XIRP2: variants seen among roughly 807,000 people sequenced by gnomAD.
XIRP2 encodes xin actin binding repeat containing 2, also known as xin actin-binding repeat-containing protein 2.
A neutral mutation model predicts 277.0 loss-of-function variants in XIRP2; 236 were observed. That is an observed-to-expected ratio of 0.85 (90% CI 0.77 to 0.95). XIRP2 has a LOEUF of 0.95. XIRP2 is among the 40% of genes least tolerant of loss of function. XIRP2 has a pLI of 0.00. For synonymous variants in XIRP2, 1,490 were observed against 1,416.5 expected, an observed-to-expected ratio of 1.05 and a Z score of -1.17; for missense variants, 4,640 against 4,157.5, an observed-to-expected ratio of 1.12 and a Z score of -3.19.
At chr2:166,946,617 A>C in intron 2 of XIRP2, among the ~76,000 whole-genome samples, 1 of 152,160 alleles carries the variant, frequency 6.6e-6, no homozygotes, top group East Asian at 1.9e-4. Flanking sequence ...TTTAATAAAT[A>C]TAGACACTCA....
At chr2:167,031,894 A>G (rs1317322936) in intron 2 of XIRP2, among the ~76,000 whole-genome samples, 1 of 152,110 alleles carries the variant, frequency 6.6e-6, no homozygotes, top group East Asian at 1.9e-4. Flanking sequence ...TAATTTATAG[A>G]TTCAGTGCTA....
intron 2 of XIRP2, among the ~76,000 whole-genome samples, chr2:166,910,762 T>G (rs1375116316): frequency 6.6e-6 from 1 of 152,206 alleles, no homozygotes; most frequent in African/African-American, 2.4e-5. Context: ...TGCTGTAAAT[T>G]TCCCTCTACA....
intron 2 of XIRP2, among the ~76,000 whole-genome samples, chr2:166,945,499 T>G (rs1200190828): frequency 6.6e-6 from 1 of 151,990 alleles, no homozygotes; most frequent in Non-Finnish European, 1.5e-5. Flanking sequence ...AATATCTAAT[T>G]AAATTTTTAT....
At chr2:167,206,901 G>A (rs879757276) in intron 3 of XIRP2, among the ~76,000 whole-genome samples, 2 of 152,154 alleles carry the variant, frequency 1.3e-5, no homozygotes, top group Admixed American at 6.5e-5. Flanking sequence ...TTAGAAATAA[G>A]ATTGTGACAA....
chr2:167,011,940 G>C (rs1207937600), intron 2 of XIRP2, among the ~76,000 whole-genome samples: 1 of 151,976 alleles, frequency 6.6e-6, no homozygotes, highest in Non-Finnish European at 1.5e-5. Flanking sequence ...ATTTTTTATT[G>C]TGTCTATTTG....
intron 2 of XIRP2, among the ~76,000 whole-genome samples, chr2:167,098,901 G>C (rs182049736): frequency 6.6e-6 from 1 of 152,284 alleles, no homozygotes; most frequent in African/African-American, 2.4e-5. Flanking sequence ...AATGCTGCCT[G>C]TTCCTTCCTC....
intron 2 of XIRP2, among the ~76,000 whole-genome samples, chr2:167,050,019 G>A (rs538692453): frequency 6.6e-6 from 1 of 152,148 alleles, no homozygotes; most frequent in African/African-American, 2.4e-5. Flanking sequence ...TCACTGAGTT[G>A]CCATACATTA....
rs759056647 is a variant in XIRP2 at position 166,903,617 on chromosome 2, G to T, written c.135G>T (p.Ala45=). 8 of 1,613,466 alleles carry T rather than the reference G, an allele frequency of 5.0e-6. No individual in the cohort carries two copies. Among genetic ancestry groups the T allele is most frequent in the South Asian group, 3.3e-5 (3 of 91,080 alleles). The change falls in exon 2 of 11, where the codon GCG becomes GCT. Residue 45 remains alanine (A), a synonymous_variant. Transcript: ENST00000409195. ...AGCCTCAGGAAAGCAAATTGCTTGCGCCTGAAGGAGAGGTAGTATCAGCAC... is the reference window on the plus strand; with the variant it reads ...AGCCTCAGGAAAGCAAATTGCTTGCTCCTGAAGGAGAGGTAGTATCAGCAC... ...IFQPQESKLL[A]PEGEVVSAPQ...
intron 2 of XIRP2, among the ~76,000 whole-genome samples, chr2:167,072,037 A>T (rs1315752045): frequency 6.6e-6 from 1 of 152,198 alleles, no homozygotes; most frequent in Non-Finnish European, 1.5e-5. Flanking sequence ...AACATAAAGC[A>T]CAGTGTTAAA....
At chr2:167,169,752 A>G (rs150466427) in intron 3 of XIRP2, among the ~76,000 whole-genome samples, 1 of 152,234 alleles carries the variant, frequency 6.6e-6, no homozygotes, top group East Asian at 1.9e-4. Flanking sequence ...ATTTGGGTAT[A>G]TTGTATACCT....
At chr2:167,156,647 A>G (rs1453942699) in intron 3 of XIRP2, among the ~76,000 whole-genome samples, 1 of 152,236 alleles carries the variant, frequency 6.6e-6, no homozygotes, top group African/African-American at 2.4e-5. Flanking sequence ...ATTTTGACAA[A>G]AAGTGATTGG....
chr2:167,160,201 T>A (rs1328381434), intron 3 of XIRP2, among the ~76,000 whole-genome samples: 2 of 152,232 alleles, frequency 1.3e-5, no homozygotes, highest in East Asian at 3.8e-4. Context: ...TTTGTTGTTC[T>A]CATTATAAAT....
At chr2:167,033,607 A>T (rs1393396004) in intron 2 of XIRP2, among the ~76,000 whole-genome samples, 2 of 152,102 alleles carry the variant, frequency 1.3e-5, no homozygotes, top group Non-Finnish European at 2.9e-5. Flanking sequence ...TGACAACAGG[A>T]TCTTAAGTAC....
chr2:167,034,505 AG>A, intron 2 of XIRP2, among the ~76,000 whole-genome samples: 1 of 150,374 alleles, frequency 6.7e-6, no homozygotes, highest in Non-Finnish European at 1.5e-5. Flanking sequence ...ACAGAAAAAA[AG>A]AAAAAAAAAA....
intron 5 of XIRP2, among the ~76,000 whole-genome samples, chr2:167,224,747 G>C (rs1389653659): frequency 1.3e-5 from 2 of 152,078 alleles, no homozygotes; most frequent in African/African-American, 4.8e-5. Context: ...GCCAAGAGGG[G>C]ACATAATCAA....
chr2:167,085,952 A>G (rs1381149224), intron 2 of XIRP2, among the ~76,000 whole-genome samples: 2 of 151,758 alleles, frequency 1.3e-5, no homozygotes, highest in Non-Finnish European at 2.9e-5. Flanking sequence ...ATTTAAAGTT[A>G]ATATTGTTAT....
At chr2:167,049,197 T>A (rs115260683) in intron 2 of XIRP2, among the ~76,000 whole-genome samples, 2,429 of 151,820 alleles carry the variant, frequency 0.016, 30 homozygotes, top group African/African-American at 0.024. Flanking sequence ...TTTTTTTTTT[T>A]AATCAGGGTT....
chr2:166,967,725 T>C (rs1164483434), intron 2 of XIRP2, among the ~76,000 whole-genome samples: 1 of 151,974 alleles, frequency 6.6e-6, no homozygotes, highest in Non-Finnish European at 1.5e-5. Context: ...TGAATGTCAG[T>C]AGTTTTACTA....
intron 2 of XIRP2, among the ~76,000 whole-genome samples, chr2:167,078,975 G>A (rs901758954): frequency 2.0e-5 from 3 of 152,096 alleles, no homozygotes; most frequent in African/African-American, 7.2e-5. Context: ...TGCCTATTCA[G>A]TATTATGTTG....
Sources: allele counts gnomAD v4.1 joint callset (sites outside exome capture counted in the v4.1 genomes callset), GRCh38; gene constraint gnomAD v4.1.1; transcripts MANE v1.5; gene names NCBI Gene and HGNC (gene_info 2026-07-23, HGNC 2026-07-21).